LATS1: variants seen among roughly 807,000 people sequenced by gnomAD.
The protein encoded by LATS1 is large tumor suppressor kinase 1, also known as serine/threonine-protein kinase LATS1.
In LATS1, 25 loss-of-function variants were observed where a neutral mutation model predicts 106.6. The ratio of observed to expected loss-of-function variants is 0.23; its 90% CI spans 0.17 to 0.33. The LOEUF (loss-of-function observed/expected upper bound fraction) is 0.33, where lower values mean the gene tolerates loss of function less well. Among genes scored for constraint, LATS1 ranks in the 10% least tolerant of loss-of-function variants. LATS1 has a pLI of 1.00. For missense variants in LATS1, 1,040 were observed against 1,382.6 expected (o/e 0.75, Z 3.93); for synonymous variants, 465 against 455.6 (o/e 1.02, Z -0.26).
At chr6:149,662,983 A>AG (rs1562315468) in intron 7 of LATS1, among the ~76,000 whole-genome samples, 1 of 150,098 alleles carries the variant, frequency 6.7e-6, no homozygotes, top group South Asian at 2.1e-4. Context: ...AAAAAAAAAA[A>AG]AAAAGAAAAA....
rs566241795 is a variant in LATS1 at position 149,700,209 on chromosome 6, C to T, written c.348+1570G>A. On this transcript the variant is annotated intron_variant, in intron 2 of 7. Coordinates refer to ENST00000543571, the MANE Select transcript of LATS1 (RefSeq NM_004690.4). ...TCTTATTTTCAGCTGGGTGTGGTGG[C>T]TCATGCCTGTAATCCCAGCACTTTG... is the stretch of plus-strand genomic sequence containing the variant. Among the ~76,000 whole-genome samples, 10 of 152,314 alleles carry T rather than the reference C, an allele frequency of 6.6e-5. No homozygotes were observed. The South Asian group carries it at 2.1e-3, about 32-fold the overall frequency.
chr6:149,694,498 A>G (rs1383809655), intron 3 of LATS1, among the ~76,000 whole-genome samples: 1 of 152,226 alleles, frequency 6.6e-6, no homozygotes, highest in African/African-American at 2.4e-5. Flanking sequence ...TAATGTGGCT[A>G]GTAAAATTAT....
intron 4 of LATS1, 68 bp downstream of exon 4, chr6:149,683,011 A>G (rs768012373): frequency 8.0e-7 from 1 of 1,254,270 alleles, no homozygotes; most frequent in South Asian, 1.4e-5. Flanking sequence ...ACTGGACACA[A>G]TATTTTAAAA....
intron 2 of LATS1, chr6:149,697,177 G>A (rs762916688): frequency 7.5e-7 from 1 of 1,324,718 alleles, no homozygotes; most frequent in Non-Finnish European, 1.0e-6. Context: ...GCTACTGACA[G>A]ATGATCCTCC....
chr6:149,703,432 A>C (rs879325418), intron 1 of LATS1, among the ~76,000 whole-genome samples: 4 of 152,176 alleles, frequency 2.6e-5, no homozygotes, highest in Non-Finnish European at 4.4e-5. Flanking sequence ...CCCACTCTTG[A>C]AGGTGGGGTC....
At chr6:149,702,476 GATGATTTAAAAAAAAAAAAA>G (rs1255395646) in intron 1 of LATS1, 10 of 177,842 alleles carry the variant, frequency 5.6e-5, no homozygotes, top group Middle Eastern at 2.1e-3. Flanking sequence ...TCGTAGCTAT[GATGATTTAAAAAAAAAAAAA>G]AAGTTCCTTA....
chr6:149,678,166 A>C (rs1252662564), intron 5 of LATS1, among the ~76,000 whole-genome samples: 5,254 of 118,652 alleles, frequency 0.044, 1,598 homozygotes, highest in African/African-American at 0.2. Context: ...TAAAAATCCA[A>C]AAAAAAAAAA....
intron 7 of LATS1, among the ~76,000 whole-genome samples, chr6:149,668,586 C>T (rs981820641): frequency 8.7e-5 from 13 of 149,312 alleles, no homozygotes; most frequent in Non-Finnish European, 1.9e-4. Context: ...CAGGCATGTG[C>T]CACCATCCAC....
intron 3 of LATS1, among the ~76,000 whole-genome samples, chr6:149,689,264 G>A (rs1028763163): frequency 2.0e-5 from 3 of 152,014 alleles, no homozygotes; most frequent in African/African-American, 7.2e-5. Context: ...GTAAATGAAG[G>A]GGGAAAGTGG....
intron 4 of LATS1, among the ~76,000 whole-genome samples, chr6:149,680,743 G>GA (rs5880846): frequency 0.4 from 44,359 of 110,022 alleles, 8,977 homozygotes; most frequent in East Asian, 0.78. Flanking sequence ...AATGCACTCC[G>GA]AAAAAAAAAA....
intron 2 of LATS1, chr6:149,697,029 T>G: frequency 1.6e-6 from 1 of 630,736 alleles, no homozygotes; most frequent in East Asian, 6.3e-5. Context: ...TAAACATAAA[T>G]CACTCACTAT....
At position 149,702,127 on chromosome 6, in the gene LATS1, G is replaced by GA. The variant is rs1258934725; in HGVS notation, c.-2dup. 1.3e-6 allele frequency: 2 copies of GA among 1,589,878 alleles called. No homozygotes were observed. The highest frequency in any genetic ancestry group is 2.7e-5 in the African/African-American group (2 of 74,042). On this transcript the variant is annotated 5_prime_UTR_variant, in exon 2 of 8. Transcript: ENST00000543571. ...CTTCTGGCTTTTCACTCCTCTTCAT[G>GA]AAAACATCTATATATGTAGCCCACA...
At chr6:149,696,475 G>A (rs190458944) in intron 2 of LATS1, among the ~76,000 whole-genome samples, 85 of 145,316 alleles carry the variant, frequency 5.8e-4, no homozygotes, top group African/African-American at 2.0e-3. Flanking sequence ...GGCTGAGGCA[G>A]GAGAACCCAG....
rs758389439 is a variant in LATS1, at chr6:149,661,759, C to T, written c.3363G>A (p.Glu1121=). ...SDEDDQNTGS[E]IKNRDLVYV Reference sequence around the variant, plus strand: ...CATATACTAGATCGCGATTTTTAATCTCTGAGCCTGTGTTTTGATCATCTT... The same window carrying T: ...CATATACTAGATCGCGATTTTTAATTTCTGAGCCTGTGTTTTGATCATCTT... The change falls in exon 8 of 8, where the codon GAG becomes GAA. Residue 1121 remains glutamate (E), a synonymous_variant. Coordinates refer to ENST00000543571, the MANE Select transcript of LATS1 (RefSeq NM_004690.4). 6.3e-7 allele frequency: 1 copy of T among 1,579,894 alleles called. No homozygotes were observed. The highest frequency in any genetic ancestry group is 8.6e-7 in the Non-Finnish European group (1 of 1,165,408).
chr6:149,677,667 G>C (rs556813343), intron 5 of LATS1, among the ~76,000 whole-genome samples: 102 of 152,298 alleles, frequency 6.7e-4, no homozygotes, highest in African/African-American at 2.1e-3. Flanking sequence ...TTTCTGGAGA[G>C]AGAGATTTGG....
intron 7 of LATS1, among the ~76,000 whole-genome samples, chr6:149,672,597 G>C (rs1781499160): frequency 6.6e-6 from 1 of 151,940 alleles, no homozygotes; most frequent in Non-Finnish European, 1.5e-5. Flanking sequence ...GAGCTATTGT[G>C]AATGGTATTG....
Position 149,717,090 on chromosome 6 carries a change from T to C in LATS1, c.-141+759A>G, listed in dbSNP as rs535796689. ...ACTTCTGTGCATGAGATTATACTTA[T>C]TGTTCACTAGATTTATGAATAACTT... On this transcript the variant is annotated intron_variant, in intron 1 of 7. Transcript: ENST00000543571. Among the ~76,000 whole-genome samples, 42 of 152,340 alleles carry C rather than the reference T, an allele frequency of 2.8e-4. 1 individual carries two copies. In the Middle Eastern group the frequency reaches 0.024, roughly 86 times the overall value.
At position 149,702,117 on chromosome 6, in the gene LATS1, T is replaced by G; in HGVS notation, c.10A>C (p.Ser4Arg). The change falls in exon 2 of 8, where the codon AGT (serine) becomes CGT (arginine). Residue 4 changes from serine to arginine, a missense_variant. Around this residue, in one of 7 missense-constraint regions of LATS1, gnomAD observed 624 missense variants for 714.8 expected, o/e 0.87. Coordinates refer to ENST00000543571, the MANE Select transcript of LATS1 (RefSeq NM_004690.4). MKRSEKPEGYRQMR... is the reference protein window; with the variant it reads MKRREKPEGYRQMR... ...TGTCTATATCCTTCTGGCTTTTCAC[T>G]CCTCTTCATGAAAACATCTATATAT... is the stretch of plus-strand genomic sequence containing the variant. 1 of 1,602,898 alleles carries G rather than the reference T, an allele frequency of 6.2e-7. No individual in the cohort carries two copies. Among genetic ancestry groups the G allele is most frequent in the Non-Finnish European group, 8.5e-7 (1 of 1,173,476 alleles).
chr6:149,678,353 C>CAAAT (rs1781848585), intron 5 of LATS1, among the ~76,000 whole-genome samples: 1 of 151,076 alleles, frequency 6.6e-6, no homozygotes, highest in Admixed American at 6.6e-5. Context: ...CAAAAACAAA[C>CAAAT]AAACAAACAA....
Sources: gnomAD v4.1 joint callset for allele counts (sites outside exome capture counted in the v4.1 genomes callset) on GRCh38, gnomAD v4.1.1 for gene constraint, gnomAD v4.1.1 regional missense constraint, MANE v1.5 for transcripts, NCBI Gene and HGNC (gene_info 2026-07-23, HGNC 2026-07-21) for gene names.